Variants in CABLES2 observed in about 807,000 individuals in gnomAD.
CABLES2 encodes the protein CDK5 and ABL1 enzyme substrate 2.
CABLES2 carries 35 observed loss-of-function variants against 44.8 expected under a neutral mutation model. The ratio of observed to expected loss-of-function variants is 0.78; its 90% CI spans 0.60 to 1.04. CABLES2 has a LOEUF of 1.04. CABLES2 is among the 50% of genes least tolerant of loss of function. The pLI is 0.00. For synonymous variants in CABLES2, 282 were observed against 281.1 expected (o/e 1.00, Z -0.03); for missense variants, 566 against 615.7 (o/e 0.92, Z 0.85).
At chr20:62,395,214 C>CA (rs1491436058) in intron 3 of CABLES2, among the ~76,000 whole-genome samples, 200 bp from the exon 4 acceptor site, 2 of 152,244 alleles carry the variant, frequency 1.3e-5, no homozygotes, top group African/African-American at 4.8e-5. Flanking sequence ...CGCAAGCTCT[C>CA]AGAGTGGATT....
chr20:62,393,410 T>C lies in CABLES2; in HGVS notation c.880+30A>G, dbSNP rs761716633. On this transcript the variant is annotated intron_variant, in intron 6 of 9. Transcript: ENST00000279101. ...GGTTAAGGCACGCGGGTCACCCTGT[T>C]CCAGGCCGTGGTTAAGGCACGTGGG... The C allele has an allele frequency of 3.2e-6, 5 of 1,565,768 alleles. No individual in the cohort carries two copies. In the East Asian group the frequency reaches 1.1e-4, roughly 35 times the overall value.
intron 4 of CABLES2, among the ~76,000 whole-genome samples, chr20:62,394,535 T>C (rs1987980548): frequency 6.6e-6 from 1 of 152,134 alleles, no homozygotes; most frequent in Non-Finnish European, 1.5e-5. Context: ...ACTAGGTACA[T>C]GTGCCCACGC....
intron 3 of CABLES2, among the ~76,000 whole-genome samples, chr20:62,395,333 C>T (rs1274073040): frequency 3.9e-5 from 6 of 152,170 alleles, no homozygotes; most frequent in Non-Finnish European, 5.9e-5. Context: ...GTAGGGCTGG[C>T]GGCCTCACCT....
At position 62,407,150 on chromosome 20, in the gene CABLES2, G is replaced by A. The variant is rs1201035653; in HGVS notation, c.127C>T (p.Arg43Trp). 2.0e-6 allele frequency: 2 copies of A among 1,012,894 alleles called. No individual in the cohort carries two copies. The highest frequency in any genetic ancestry group is 2.4e-6 in the Non-Finnish European group (2 of 847,514). The allele number at this position is 1,012,894 out of a possible 1,614,324, so 62.7% of individuals were successfully genotyped here. ...AAGAAAAGCGCGGCCTGGCGGCGCCGCGAGTCCCCGCGCCTCCGCAGCGCC... is the reference window on the plus strand; with the variant it reads ...AAGAAAAGCGCGGCCTGGCGGCGCCACGAGTCCCCGCGCCTCCGCAGCGCC... ...PQALRRRGDS[R>W]RRQAALFFLN... The change falls in exon 1 of 10, where the codon CGG (arginine) becomes TGG (tryptophan). Residue 43 changes from arginine (R) to tryptophan (W), a missense_variant. This residue lies in a region of CABLES2 where 130 missense variants were observed against 79.4 expected (regional missense o/e 1.64). Coordinates refer to ENST00000279101, the MANE Select transcript of CABLES2 (RefSeq NM_031215.3).
At chr20:62,398,089 CGGTGGTGGTGGT>C (rs1376860164) in intron 1 of CABLES2, among the ~76,000 whole-genome samples, 18 of 54,854 alleles carry the variant, frequency 3.3e-4, no homozygotes, top group Non-Finnish European at 5.2e-4. Flanking sequence ...GTGGTGGTGA[CGGTGGTGGTGGT>C]GGTGATGGTG....
At chr20:62,398,120 G>GAC (rs1569017665) in intron 1 of CABLES2, among the ~76,000 whole-genome samples, 99 of 143,978 alleles carry the variant, frequency 6.9e-4, no homozygotes, top group African/African-American at 2.5e-3. Flanking sequence ...TGGTGGTGGT[G>GAC]GTGGTTATGA....
intron 1 of CABLES2, among the ~76,000 whole-genome samples, chr20:62,398,094 G>A (rs1488045058): frequency 7.2e-4 from 100 of 138,994 alleles, no homozygotes; most frequent in Non-Finnish European, 1.2e-3. Flanking sequence ...GGTGACGGTG[G>A]TGGTGGTGGT....
chr20:62,393,711 G>A lies in CABLES2; in HGVS notation c.715-106C>T, dbSNP rs1212059301. The A allele has an allele frequency of 5.0e-6, 6 of 1,204,702 alleles. No individual in the cohort carries two copies. In the African/African-American group the frequency reaches 6.1e-5, roughly 12 times the overall value. The allele number at this position is 1,204,702 out of a possible 1,614,324, so 74.6% of individuals were successfully genotyped here. On this transcript the variant is annotated intron_variant, in intron 5 of 9. Transcript: ENST00000279101. The stretch of plus-strand genomic sequence containing the variant: ...GACGCACATGCCAGGAGCCCTGCAT[G>A]GAAAATGAAGGGAACAACTCAGATC...
At chr20:62,406,429 A>AG (rs903722687) in intron 1 of CABLES2, among the ~76,000 whole-genome samples, 1 of 142,150 alleles carries the variant, frequency 7.0e-6, no homozygotes, top group Non-Finnish European at 1.6e-5. Context: ...CTCAGGGGTA[A>AG]TAAGGGCTGA....
intron 1 of CABLES2, among the ~76,000 whole-genome samples, chr20:62,406,164 G>C (rs903952376): frequency 1.3e-5 from 2 of 152,096 alleles, no homozygotes; most frequent in African/African-American, 4.8e-5. Flanking sequence ...GTGACAGGGA[G>C]AGGAGGGGTG....
chr20:62,392,368 G>A, intron 8 of CABLES2, 21 bp downstream of exon 8: 5 of 1,558,104 alleles, frequency 3.2e-6, no homozygotes, highest in Non-Finnish European at 4.4e-6. Flanking sequence ...ACGATGAGAT[G>A]GTCTGAGAGG....
chr20:62,395,452 A>C (rs982249595), intron 3 of CABLES2, among the ~76,000 whole-genome samples: 1 of 152,194 alleles, frequency 6.6e-6, no homozygotes, highest in Non-Finnish European at 1.5e-5. Context: ...GCGGGGCTCA[A>C]CACCACCAGA....
intron 6 of CABLES2, 67 bp from the exon 7 acceptor site, chr20:62,393,090 G>T: frequency 7.1e-7 from 1 of 1,405,334 alleles, no homozygotes; most frequent in Non-Finnish European, 1.0e-6. Context: ...CCAAGGCCTG[G>T]CAGGCCAGCG....
intron 1 of CABLES2, among the ~76,000 whole-genome samples, chr20:62,399,729 G>A (rs59148006): frequency 6.6e-6 from 1 of 151,852 alleles, no homozygotes; most frequent in Non-Finnish European, 1.5e-5. Flanking sequence ...GAGTAGCTGA[G>A]AGTACAGGCG....
At chr20:62,395,455 C>A (rs1397993368) in intron 3 of CABLES2, among the ~76,000 whole-genome samples, 1 of 152,230 alleles carries the variant, frequency 6.6e-6, no homozygotes, top group East Asian at 1.9e-4. Flanking sequence ...GGGCTCAACA[C>A]CACCAGAAAG....
Position 62,390,514 on chromosome 20 carries a change from G to A in CABLES2, c.*457C>T, listed in dbSNP as rs1987894499. 6.3e-6 allele frequency: 1 copy of A among 159,482 alleles called. No individual in the cohort carries two copies. The highest frequency in any genetic ancestry group is 2.4e-5 in the African/African-American group (1 of 41,594). The allele number at this position is 159,482 out of a possible 1,614,324, so 9.9% of individuals were successfully genotyped here. On this transcript the variant is annotated 3_prime_UTR_variant, in exon 10 of 10. Coordinates refer to ENST00000279101, the MANE Select transcript of CABLES2 (RefSeq NM_031215.3). Reference sequence around the variant, plus strand: ...ATCTCCAAGATGAATGCCTAAATAAGTTAAACTCAGCCATTCCAGTGTGTT... The same window carrying A: ...ATCTCCAAGATGAATGCCTAAATAAATTAAACTCAGCCATTCCAGTGTGTT...
intron 1 of CABLES2, among the ~76,000 whole-genome samples, chr20:62,397,677 A>T (rs1365986944): frequency 6.6e-6 from 1 of 152,198 alleles, no homozygotes; most frequent in East Asian, 1.9e-4. Context: ...TCTCTCCCTT[A>T]TACCGGGAGC....
At chr20:62,397,915 CAGTGGTGAT>C (rs1988050598) in intron 1 of CABLES2, among the ~76,000 whole-genome samples, 1 of 55,464 alleles carries the variant, frequency 1.8e-5, no homozygotes, top group African/African-American at 4.5e-5. Flanking sequence ...ATGGTGATGG[CAGTGGTGAT>C]GGTGGTGGTG....
Position 62,396,294 on chromosome 20 carries a change from G to GTTCCCGGCTCCGC in CABLES2, c.527+8_527+20dup, listed in dbSNP as rs1333415717. On this transcript the variant is annotated intron_variant, in intron 3 of 9. Coordinates refer to ENST00000279101, the MANE Select transcript of CABLES2 (RefSeq NM_031215.3). This position sits in a 1 kb window ranked among gnomAD's most constrained non-coding sequence, Gnocchi z 5.7. ...TTATGGAGACCACAGCCCTGGCCCG[G>GTTCCCGGCTCCGC]TTCCCGGCTCCGCTTCATACCTGCT... 4 of 1,608,486 alleles carry GTTCCCGGCTCCGC rather than the reference G, an allele frequency of 2.5e-6. No homozygotes were observed. The highest frequency in any genetic ancestry group is 3.4e-6 in the Non-Finnish European group (4 of 1,175,020).
Sources: allele counts gnomAD v4.1 joint callset (sites outside exome capture counted in the v4.1 genomes callset), GRCh38; gene constraint gnomAD v4.1.1; regional missense constraint gnomAD v4.1.1; non-coding constraint Gnocchi (gnomAD v3.1); transcripts MANE v1.5; gene names NCBI Gene and HGNC (gene_info 2026-07-23, HGNC 2026-07-21).